NTNG1: variants seen among roughly 807,000 people sequenced by gnomAD.
The protein encoded by NTNG1 is netrin-G1.
NTNG1 carries 16 observed loss-of-function variants against 54.0 expected under a neutral mutation model. That is an observed-to-expected ratio of 0.30 (90% confidence interval 0.20 to 0.45). The LOEUF (loss-of-function observed/expected upper bound fraction) is 0.45. Among genes scored for constraint, NTNG1 ranks in the 20% least tolerant of loss-of-function variants. The pLI, the probability that NTNG1 is intolerant of heterozygous loss-of-function variation, is 1.00. For missense variants in NTNG1, 530 were observed against 678.7 expected (o/e 0.78, Z 2.43); for synonymous variants, 255 against 263.1 (o/e 0.97, Z 0.30).
chr1:107,285,088 G>T (rs899809401), intron 2 of NTNG1, among the ~76,000 whole-genome samples: 1 of 151,980 alleles, frequency 6.6e-6, no homozygotes, highest in Non-Finnish European at 1.5e-5. Context: ...CCCCAAAATT[G>T]GGTTATTCTA....
At chr1:107,442,806 A>ATGAAACAGTGT (rs11268973) in intron 7 of NTNG1, among the ~76,000 whole-genome samples, 1 of 151,930 alleles carries the variant, frequency 6.6e-6, no homozygotes, top group Non-Finnish European at 1.5e-5. Context: ...GTTTTTTCAT[A>ATGAAACAGTGT]TGAAGCAGCT....
In NTNG1 at chr1:107,148,498, C is replaced by T; in HGVS notation, c.-96C>T. ...AGAGACCTACCTACCCGTACGCATA[C>T]ATACATATGTGTATATATATGTAAA... On this transcript the variant is annotated 5_prime_UTR_variant, in exon 2 of 8. Coordinates refer to ENST00000370068, the MANE Select transcript of NTNG1 (RefSeq NM_001113226.3). 8.6e-7 allele frequency: 1 copy of T among 1,163,304 alleles called. No homozygotes were observed. The allele number at this position is 1,163,304 out of a possible 1,614,324, so 72.1% of individuals were successfully genotyped here. A position where few individuals can be genotyped will look rare whatever the true frequency, so the allele number is the denominator to read the frequency against.
chr1:107,437,315 G>T (rs1475371365), intron 7 of NTNG1, among the ~76,000 whole-genome samples: 1 of 152,116 alleles, frequency 6.6e-6, no homozygotes, highest in Non-Finnish European at 1.5e-5. Context: ...GGCAAAAATC[G>T]ATATTGATTT....
chr1:107,187,076 C>T (rs541175303), intron 2 of NTNG1, among the ~76,000 whole-genome samples: 1 of 152,248 alleles, frequency 6.6e-6, no homozygotes, highest in South Asian at 2.1e-4. Flanking sequence ...TCTAAACTAC[C>T]AGTCTCTGTT....
At chr1:107,291,000 T>A (rs1665568993) in intron 2 of NTNG1, among the ~76,000 whole-genome samples, 1 of 146,978 alleles carries the variant, frequency 6.8e-6, no homozygotes, top group African/African-American at 2.5e-5. Context: ...CACACATACA[T>A]ACACACGCAT....
chr1:107,382,278 C>A (rs1671697027), intron 3 of NTNG1, among the ~76,000 whole-genome samples: 5 of 152,180 alleles, frequency 3.3e-5, no homozygotes, highest in Non-Finnish European at 7.3e-5. Flanking sequence ...AGACATTTTT[C>A]AACATAGATC....
chr1:107,243,829 G>T (rs1246194207), intron 2 of NTNG1, among the ~76,000 whole-genome samples: 1 of 152,010 alleles, frequency 6.6e-6, no homozygotes, highest in Non-Finnish European at 1.5e-5. Flanking sequence ...TGTAAGGATA[G>T]ATATACCGAT....
At chr1:107,386,097 A>T (rs979163056) in intron 3 of NTNG1, among the ~76,000 whole-genome samples, 1 of 146,590 alleles carries the variant, frequency 6.8e-6, no homozygotes, top group African/African-American at 2.5e-5. Flanking sequence ...ATATGTATGT[A>T]TATATATATA....
chr1:107,284,410 C>G (rs1267462985), intron 2 of NTNG1, among the ~76,000 whole-genome samples: 1 of 152,008 alleles, frequency 6.6e-6, no homozygotes, highest in Non-Finnish European at 1.5e-5. Context: ...TTTACAGATA[C>G]CTGCAGAAAC....
At chr1:107,354,075 G>A (rs938719695) in intron 3 of NTNG1, among the ~76,000 whole-genome samples, 9 of 152,156 alleles carry the variant, frequency 5.9e-5, no homozygotes, top group African/African-American at 2.2e-4. Flanking sequence ...TGGAGACACA[G>A]ACCCAAACCA....
At chr1:107,212,315 C>G (rs1365279721) in intron 2 of NTNG1, among the ~76,000 whole-genome samples, 1 of 152,172 alleles carries the variant, frequency 6.6e-6, no homozygotes, top group Non-Finnish European at 1.5e-5. Context: ...TGAGTGCTCA[C>G]TCTTTGCCAG....
At chr1:107,249,960 A>G (rs1043096996) in intron 2 of NTNG1, among the ~76,000 whole-genome samples, 2 of 152,200 alleles carry the variant, frequency 1.3e-5, no homozygotes, top group African/African-American at 4.8e-5. Flanking sequence ...AAGTCAATTC[A>G]TTCCAGTGGT....
chr1:107,161,584 C>T (rs1372497687), intron 2 of NTNG1, among the ~76,000 whole-genome samples: 1 of 151,716 alleles, frequency 6.6e-6, no homozygotes, highest in African/African-American at 2.4e-5. Context: ...TCACTTGAAC[C>T]CAAGGGGCAG....
intron 3 of NTNG1, among the ~76,000 whole-genome samples, chr1:107,386,602 T>A (rs1389901530): frequency 6.6e-6 from 1 of 152,226 alleles, no homozygotes; most frequent in Non-Finnish European, 1.5e-5. Flanking sequence ...TATTCCATTG[T>A]ATGGATATAC....
chr1:107,227,647 T>C (rs755302990), intron 2 of NTNG1, among the ~76,000 whole-genome samples: 7 of 150,520 alleles, frequency 4.7e-5, no homozygotes, highest in Non-Finnish European at 1.0e-4. Context: ...AGGATTCATA[T>C]TCTCAATCTG....
intron 3 of NTNG1, chr1:107,333,901 TTAAG>T (rs1365289783): frequency 1.3e-5 from 2 of 151,404 alleles, no homozygotes; most frequent in Non-Finnish European, 2.9e-5. Context: ...TTATAGGAAA[TTAAG>T]TACTGTATTG....
chr1:107,356,148 C>T (rs1184050840), intron 3 of NTNG1, among the ~76,000 whole-genome samples: 2 of 152,162 alleles, frequency 1.3e-5, no homozygotes, highest in Non-Finnish European at 2.9e-5. Flanking sequence ...TGATTATGCA[C>T]ATCTGGCATA....
At chr1:107,287,573 C>A (rs1247242730) in intron 2 of NTNG1, among the ~76,000 whole-genome samples, 1 of 152,094 alleles carries the variant, frequency 6.6e-6, no homozygotes. Flanking sequence ...TGTAGTGAGA[C>A]CTTGGTCTCT....
intron 3 of NTNG1, among the ~76,000 whole-genome samples, chr1:107,382,417 T>G (rs1671706002): frequency 6.6e-6 from 1 of 152,236 alleles, no homozygotes; most frequent in Non-Finnish European, 1.5e-5. Flanking sequence ...CATGTTAAAT[T>G]ATTTTAAATT....
Sources: gnomAD v4.1 joint callset for allele counts (sites outside exome capture counted in the v4.1 genomes callset) on GRCh38, gnomAD v4.1.1 for gene constraint, MANE v1.5 for transcripts, NCBI Gene and HGNC (gene_info 2026-07-23, HGNC 2026-07-21) for gene names.